The following NAMPT variants were observed in gnomAD, a reference collection of about 807,000 sequenced individuals.
The protein encoded by NAMPT is NAmPRTase.
A neutral mutation model predicts 58.7 loss-of-function variants in NAMPT; 7 were observed. The ratio of observed to expected loss-of-function variants is 0.12; its 90% CI spans 0.07 to 0.22. The LOEUF (loss-of-function observed/expected upper bound fraction) is 0.22, where lower values mean the gene tolerates loss of function less well. Ranked by LOEUF, NAMPT falls within the 10% of genes least tolerant of loss-of-function variation. The pLI, the probability that NAMPT is intolerant of heterozygous loss-of-function variation, is 1.00. For synonymous variants in NAMPT, 145 were observed against 198.1 expected (o/e 0.73, Z 2.25); for missense variants, 271 against 567.9 (o/e 0.48, Z 5.31).
chr7:106,284,899 CA>C lies in NAMPT; in HGVS notation c.-16del. The C allele has an allele frequency of 6.3e-7, 1 of 1,578,528 alleles. No individual in the cohort carries two copies. The highest frequency in any genetic ancestry group is 1.2e-5 in the South Asian group (1 of 86,512). On this transcript the variant is annotated 5_prime_UTR_variant, in exon 1 of 11. Coordinates refer to ENST00000222553, the MANE Select transcript of NAMPT (RefSeq NM_005746.3). ...GCAGGATTCATCTCGGGCCGGAGGA[CA>C]GGGGCCGCGCGCCGCGAGCTCCCTG...
chr7:106,261,221 T>C (rs1042212379), intron 8 of NAMPT, among the ~76,000 whole-genome samples: 5 of 152,170 alleles, frequency 3.3e-5, no homozygotes, highest in African/African-American at 4.8e-5. Context: ...CCCATTAATA[T>C]TATGAGTTTT....
chr7:106,277,264 A>G (rs1272196074), intron 1 of NAMPT, 85 bp from the exon 2 acceptor site: 2 of 1,120,648 alleles, frequency 1.8e-6, no homozygotes, highest in Non-Finnish European at 2.6e-6. Flanking sequence ...TTATTTCAAA[A>G]CCAGAGAAAC....
chr7:106,270,445 G>A (rs1355343453), intron 4 of NAMPT: 1 of 208,266 alleles, frequency 4.8e-6, no homozygotes, highest in African/African-American at 2.4e-5. Flanking sequence ...TGCCAATCTA[G>A]TCATCTTTTT....
intron 2 of NAMPT, chr7:106,275,680 T>G (rs1399018398): frequency 6.6e-6 from 1 of 152,244 alleles, no homozygotes; most frequent in African/African-American, 2.4e-5. Context: ...GTTGTATGAC[T>G]AAATTAAAGT....
chr7:106,268,341 G>A (rs546129391), intron 6 of NAMPT, 123 bp downstream of exon 6: 1 of 819,078 alleles, frequency 1.2e-6, no homozygotes, highest in East Asian at 2.5e-5. Flanking sequence ...CTGAATTTGT[G>A]TTGCTCAAGT....
Position 106,253,151 on chromosome 7 carries a change from T to C in NAMPT, c.1231A>G (p.Ile411Val), listed in dbSNP as rs753238649. The C allele has an allele frequency of 6.2e-7, 1 of 1,610,944 alleles. No homozygotes were observed. The highest frequency in any genetic ancestry group is 8.5e-7 in the Non-Finnish European group (1 of 1,178,710). ...GCAACTGGGTCCTTGAAGACGTTAA[T>C]CTGAAATCCAAATTAAGAAAGTTAG... ...CSYVVTNGLG[I>V]NVFKDPVADP... is the part of the protein sequence containing the mutation. The change falls in exon 10 of 11, where the codon ATT becomes GTT. Residue 411 changes from isoleucine to valine, a missense_variant and splice_region_variant. Ile to Val is a conservative substitution (Grantham distance 29). Around this residue, in one of 4 missense-constraint regions of NAMPT, gnomAD observed 143 missense variants for 331.1 expected, o/e 0.43. Coordinates refer to ENST00000222553, the MANE Select transcript of NAMPT (RefSeq NM_005746.3).
chr7:106,285,027 G>A (rs899704568), upstream of NAMPT: 12 of 1,429,780 alleles, frequency 8.4e-6, no homozygotes, highest in Admixed American at 2.1e-5. Context: ...CGGAGAGAGG[G>A]GAGGGGTCAG....
At chr7:106,282,012 GA>G (rs1792774725) in intron 1 of NAMPT, among the ~76,000 whole-genome samples, 1 of 151,680 alleles carries the variant, frequency 6.6e-6, no homozygotes. Context: ...AAACATAATG[GA>G]AAAATTGAAA....
At position 106,249,605 on chromosome 7, in the gene NAMPT, T is replaced by G. The variant is rs1446083567; in HGVS notation, c.*1478A>C. 2 of 152,000 alleles carry G rather than the reference T, an allele frequency of 1.3e-5. No homozygotes were observed. Among genetic ancestry groups the G allele is most frequent in the Non-Finnish European group, 2.9e-5 (2 of 67,916 alleles). The allele number at this position is 152,000 out of a possible 1,614,324, so 9.4% of individuals were successfully genotyped here. A position where few individuals can be genotyped will look rare whatever the true frequency, so the allele number is the denominator to read the frequency against. On this transcript the variant is annotated 3_prime_UTR_variant, in exon 11 of 11. Transcript: ENST00000222553. ...TTAGAACAGAGATCAGGAAACTTTT[T>G]GTGTAATTTTGTGTAAAGGGCAGGT...
chr7:106,256,304 G>C (rs1792198523), intron 8 of NAMPT, among the ~76,000 whole-genome samples: 1 of 152,210 alleles, frequency 6.6e-6, no homozygotes, highest in Admixed American at 6.5e-5. Flanking sequence ...ACAGTGCAAA[G>C]TGAAAACTTA....
chr7:106,274,378 A>G (rs1792593418), intron 3 of NAMPT, among the ~76,000 whole-genome samples: 1 of 152,146 alleles, frequency 6.6e-6, no homozygotes, highest in Non-Finnish European at 1.5e-5. Flanking sequence ...GACTTGCTGT[A>G]GATTCTATAT....
intron 1 of NAMPT, 90 bp downstream of exon 1, chr7:106,284,738 A>AACCCCCCCCCC: frequency 2.3e-5 from 11 of 485,998 alleles, no homozygotes; most frequent in South Asian, 3.0e-5. Flanking sequence ...CCCAGCCCCA[A>AACCCCCCCCCC]CCCCAGCCCC....
chr7:106,271,154 G>A (rs1194888654), intron 4 of NAMPT, among the ~76,000 whole-genome samples: 1 of 152,058 alleles, frequency 6.6e-6, no homozygotes, highest in Non-Finnish European at 1.5e-5. Flanking sequence ...TGTCCATGGG[G>A]CGGAGGTGGA....
In NAMPT at chr7:106,277,268, G is replaced by A. The variant is rs975817212; in HGVS notation, c.58-89C>T. 1.0e-5 allele frequency: 11 copies of A among 1,100,632 alleles called. No homozygotes were observed. In the African/African-American group the frequency reaches 1.7e-4, roughly 17 times the overall value. 68.2% of individuals were successfully genotyped at this position (1,100,632 alleles called of 1,614,324 possible). On this transcript the variant is annotated intron_variant, in intron 1 of 10. Coordinates refer to ENST00000222553, the MANE Select transcript of NAMPT (RefSeq NM_005746.3). ...AAGGCTTGAAGTTATTTCAAAACCAGAGAAACTATATTTCTTGTTTGCTAT... is the reference window on the plus strand; with the variant it reads ...AAGGCTTGAAGTTATTTCAAAACCAAAGAAACTATATTTCTTGTTTGCTAT...
intron 8 of NAMPT, among the ~76,000 whole-genome samples, chr7:106,260,937 G>C (rs1792291066): frequency 6.6e-6 from 1 of 152,134 alleles, no homozygotes; most frequent in African/African-American, 2.4e-5. Flanking sequence ...CACCATAACA[G>C]ATATAATGAC....
At position 106,262,008 on chromosome 7, in the gene NAMPT, T is replaced by C. The variant is rs532600395; in HGVS notation, c.970-301A>G. 3.3e-5 allele frequency among the ~76,000 whole-genome samples: 5 copies of C among 152,120 alleles called. No individual in the cohort carries two copies. The East Asian group carries it at 9.6e-4, about 29-fold the overall frequency. On this transcript the variant is annotated intron_variant, in intron 7 of 10. Transcript: ENST00000222553. ...ATGGATTCAAGGAAAAAAAAATCCT[T>C]AATATTAAATAAGTATATTTTAAAG...
intron 2 of NAMPT, 178 bp downstream of exon 2, chr7:106,276,845 A>AG: frequency 6.1e-6 from 3 of 494,194 alleles, no homozygotes; most frequent in Non-Finnish European, 1.1e-5. Flanking sequence ...TCGGTTTCCA[A>AG]AAAAAAAAAA....
intron 10 of NAMPT, among the ~76,000 whole-genome samples, chr7:106,252,679 G>A (rs1792123647): frequency 6.6e-6 from 1 of 151,954 alleles, no homozygotes; most frequent in African/African-American, 2.4e-5. Flanking sequence ...GTTAAATCAA[G>A]GTTTCACCAT....
chr7:106,263,803 A>C (rs1201502501), intron 6 of NAMPT, among the ~76,000 whole-genome samples, 186 bp from the exon 7 acceptor site: 1 of 152,054 alleles, frequency 6.6e-6, no homozygotes. Context: ...ACCTTACCCA[A>C]TTAGTTTTTA....
Sources: allele counts gnomAD v4.1 joint callset (sites outside exome capture counted in the v4.1 genomes callset), GRCh38; gene constraint gnomAD v4.1.1; regional missense constraint gnomAD v4.1.1; transcripts MANE v1.5; gene names NCBI Gene and HGNC (gene_info 2026-07-23, HGNC 2026-07-21).